The following LUZP2 variants were observed in gnomAD, a reference collection of about 807,000 sequenced individuals.
LUZP2 encodes leucine zipper protein 2.
Under a neutral mutation model 51.6 loss-of-function variants are expected in LUZP2, and 52 were observed. The ratio of observed to expected loss-of-function variants is 1.01; its 90% CI spans 0.81 to 1.27. The LOEUF (loss-of-function observed/expected upper bound fraction) is 1.27, where lower values mean the gene tolerates loss of function less well. Ranked by LOEUF, LUZP2 falls within the 50% of genes most tolerant of loss-of-function variation. LUZP2 has a pLI of 0.00. For missense variants in LUZP2, 436 were observed against 395.4 expected (o/e 1.10, Z -0.87); for synonymous variants, 154 against 137.3 (o/e 1.12, Z -0.85).
chr11:25,072,003 T>C (rs1859173227), intron 10 of LUZP2, among the ~76,000 whole-genome samples: 1 of 152,088 alleles, frequency 6.6e-6, no homozygotes, highest in African/African-American at 2.4e-5. Context: ...AGCATATTGA[T>C]TTTATGTTTT....
chr11:24,998,181 A>T (rs1195265283), intron 9 of LUZP2, among the ~76,000 whole-genome samples: 1 of 152,046 alleles, frequency 6.6e-6, no homozygotes, highest in Non-Finnish European at 1.5e-5. Flanking sequence ...CTTGATGGGG[A>T]TGGCATTGAA....
At chr11:24,890,851 A>T (rs1852829503) in intron 5 of LUZP2, 1 of 918,492 alleles carries the variant, frequency 1.1e-6, no homozygotes. Context: ...ATATAGAAAA[A>T]ATATAAAGCA....
rs1018208142 is a variant in LUZP2 at position 24,785,379 on chromosome 11, G to A, written c.396+22071G>A. On this transcript the variant is annotated intron_variant, in intron 5 of 11. Coordinates refer to ENST00000336930, the MANE Select transcript of LUZP2 (RefSeq NM_001009909.4). ...CAGGTGGATTTATGATTAATGGTGT[G>A]TTAAAAAGGTATGCCATCTTCAATT... Among the ~76,000 whole-genome samples, 3 of 152,112 alleles carry A rather than the reference G, an allele frequency of 2.0e-5. No individual in the cohort carries two copies. The East Asian group carries it at 5.8e-4, about 29-fold the overall frequency.
intron 1 of LUZP2, among the ~76,000 whole-genome samples, chr11:24,594,570 G>A (rs183306213): frequency 6.6e-6 from 1 of 151,966 alleles, no homozygotes; most frequent in African/African-American, 2.4e-5. Flanking sequence ...TACCTTGGAG[G>A]TTATTTTTCC....
At chr11:25,018,194 A>G (rs935552656) in intron 9 of LUZP2, among the ~76,000 whole-genome samples, 6 of 152,160 alleles carry the variant, frequency 3.9e-5, no homozygotes, top group Non-Finnish European at 5.9e-5. Context: ...GATCAAATCT[A>G]GGAGTCTTTT....
intron 1 of LUZP2, among the ~76,000 whole-genome samples, chr11:24,639,592 C>T (rs577407821): frequency 3.3e-5 from 5 of 151,674 alleles, no homozygotes; most frequent in Middle Eastern, 3.2e-3. Context: ...GATGGAATTA[C>T]AGGTGCCCGC....
intron 9 of LUZP2, among the ~76,000 whole-genome samples, chr11:25,043,237 T>C (rs1411422848): frequency 6.6e-6 from 1 of 152,212 alleles, no homozygotes; most frequent in Non-Finnish European, 1.5e-5. Flanking sequence ...TCTACTCATC[T>C]GAATAGCCTT....
intron 1 of LUZP2, among the ~76,000 whole-genome samples, chr11:24,603,836 A>G (rs183899929): frequency 1.3e-5 from 2 of 151,894 alleles, no homozygotes; most frequent in Non-Finnish European, 3.0e-5. Flanking sequence ...AAAGAAAAAG[A>G]TACAGGAATA....
chr11:24,970,065 T>G (rs1195252634), intron 7 of LUZP2, among the ~76,000 whole-genome samples: 1 of 152,232 alleles, frequency 6.6e-6, no homozygotes, highest in African/African-American at 2.4e-5. Flanking sequence ...GAATTTTATT[T>G]TAGAAACTAC....
intron 10 of LUZP2, among the ~76,000 whole-genome samples, chr11:25,066,947 A>G (rs1375312763): frequency 6.6e-6 from 1 of 152,014 alleles, no homozygotes; most frequent in Non-Finnish European, 1.5e-5. Flanking sequence ...AAATCCTCTG[A>G]GTTGAGACAT....
intron 9 of LUZP2, among the ~76,000 whole-genome samples, chr11:25,003,845 T>C (rs1239567804): frequency 5.3e-5 from 8 of 152,150 alleles, no homozygotes; most frequent in Non-Finnish European, 1.0e-4. Flanking sequence ...CTTTGGCTAA[T>C]ATATCTGTCC....
chr11:24,717,412 T>TG (rs2133943943), intron 1 of LUZP2, among the ~76,000 whole-genome samples: 1 of 150,386 alleles, frequency 6.6e-6, no homozygotes, highest in Admixed American at 6.6e-5. Flanking sequence ...CCCAATAGTT[T>TG]TTTTTTTTTT....
At chr11:24,820,854 C>G (rs1850337333) in intron 5 of LUZP2, among the ~76,000 whole-genome samples, 1 of 152,112 alleles carries the variant, frequency 6.6e-6, no homozygotes, top group Non-Finnish European at 1.5e-5. Flanking sequence ...CAAGTCTCCT[C>G]TTCAGATGCT....
intron 5 of LUZP2, among the ~76,000 whole-genome samples, chr11:24,823,781 C>T (rs536622791): frequency 4.2e-4 from 64 of 152,164 alleles, no homozygotes; most frequent in African/African-American, 1.1e-3. Flanking sequence ...ATGAGTGGTA[C>T]GGCCAGGCAT....
chr11:25,028,700 T>C (rs1857567073), intron 9 of LUZP2, among the ~76,000 whole-genome samples: 1 of 152,076 alleles, frequency 6.6e-6, no homozygotes, highest in African/African-American at 2.4e-5. Context: ...GTTTTTTTTT[T>C]TTACTTTCTT....
intron 1 of LUZP2, among the ~76,000 whole-genome samples, chr11:24,506,898 T>C (rs1367808450): frequency 6.6e-6 from 1 of 152,082 alleles, no homozygotes; most frequent in Non-Finnish European, 1.5e-5. Flanking sequence ...TCTGTATAAA[T>C]GTACAGTGAA....
intron 5 of LUZP2, among the ~76,000 whole-genome samples, chr11:24,803,545 G>A (rs190386771): frequency 1.0e-3 from 154 of 152,162 alleles, no homozygotes; most frequent in African/African-American, 3.4e-3. Flanking sequence ...TTATAGCAGC[G>A]TTATTCACAG....
At chr11:24,826,510 T>C (rs1377084296) in intron 5 of LUZP2, among the ~76,000 whole-genome samples, 4 of 150,296 alleles carry the variant, frequency 2.7e-5, no homozygotes, top group African/African-American at 7.5e-5. Flanking sequence ...TTAGAGAGTA[T>C]TAAACTTTTT....
chr11:25,031,168 C>T (rs1857675298), intron 9 of LUZP2, among the ~76,000 whole-genome samples: 4 of 149,768 alleles, frequency 2.7e-5, no homozygotes, highest in Admixed American at 2.0e-4. Context: ...CGTGCCACCA[C>T]ACCTGGCTAA....
Sources: allele counts gnomAD v4.1 joint callset (sites outside exome capture counted in the v4.1 genomes callset), GRCh38; gene constraint gnomAD v4.1.1; transcripts MANE v1.5; gene names NCBI Gene and HGNC (gene_info 2026-07-23, HGNC 2026-07-21).